Variants in EVI5 observed in about 807,000 individuals in gnomAD.
EVI5 encodes the protein ecotropic viral integration site 5 protein homolog.
In EVI5, 73 loss-of-function variants were observed where a neutral mutation model predicts 112.0. The ratio of observed to expected loss-of-function variants is 0.65; its 90% CI spans 0.54 to 0.79. EVI5 has a LOEUF of 0.79. Ranked by LOEUF, EVI5 falls within the 30% of genes least tolerant of loss-of-function variation. EVI5 has a pLI of 0.00. For missense variants in EVI5, 900 were observed against 968.8 expected (o/e 0.93, Z 0.94); for synonymous variants, 305 against 319.9 (o/e 0.95, Z 0.50).
intron 18 of EVI5, among the ~76,000 whole-genome samples, chr1:92,593,831 G>T (rs900639071): frequency 2.0e-5 from 3 of 152,138 alleles, no homozygotes; most frequent in Admixed American, 6.5e-5. Context: ...TTGCTTCAAA[G>T]AGAATAAAAT....
At chr1:92,701,771 A>G (rs1361585207) in intron 5 of EVI5, among the ~76,000 whole-genome samples, 2 of 151,230 alleles carry the variant, frequency 1.3e-5, no homozygotes, top group African/African-American at 4.9e-5. Flanking sequence ...ATCTCTAAAG[A>G]TGTTGTACAA....
chr1:92,597,013 AG>A (rs1300139278), intron 18 of EVI5, among the ~76,000 whole-genome samples: 2 of 152,198 alleles, frequency 1.3e-5, no homozygotes, highest in African/African-American at 2.4e-5. Context: ...AACAACTATA[AG>A]GCAGATAGCT....
chr1:92,742,275 G>A (rs2102859858), intron 1 of EVI5, among the ~76,000 whole-genome samples: 1 of 152,028 alleles, frequency 6.6e-6, no homozygotes, highest in Non-Finnish European at 1.5e-5. Flanking sequence ...GCCCAGGCTG[G>A]TCTTGAACTC....
chr1:92,609,593 A>G (rs1038951841), intron 16 of EVI5, among the ~76,000 whole-genome samples: 1 of 152,090 alleles, frequency 6.6e-6, no homozygotes, highest in Non-Finnish European at 1.5e-5. Flanking sequence ...CCTAACCTCA[A>G]GTAATCCGCC....
At chr1:92,517,190 C>T (rs552239658) in intron 19 of EVI5, among the ~76,000 whole-genome samples, 79 of 152,290 alleles carry the variant, frequency 5.2e-4, no homozygotes, top group African/African-American at 1.7e-3. Flanking sequence ...ATGGTTTCCT[C>T]TATACTGAAC....
At chr1:92,712,470 G>A (rs1356344324) in intron 2 of EVI5, among the ~76,000 whole-genome samples, 6 of 152,162 alleles carry the variant, frequency 3.9e-5, no homozygotes, top group South Asian at 2.1e-4. Flanking sequence ...AAGCCTAGCC[G>A]ACTTCAGTCT....
intron 16 of EVI5, among the ~76,000 whole-genome samples, chr1:92,622,909 C>A (rs1654899283): frequency 6.6e-6 from 1 of 152,184 alleles, no homozygotes; most frequent in Admixed American, 6.5e-5. Flanking sequence ...TACCAAATTT[C>A]TGAATTATAT....
intron 13 of EVI5, among the ~76,000 whole-genome samples, chr1:92,642,342 T>C (rs1328481983): frequency 2.0e-5 from 3 of 152,192 alleles, no homozygotes; most frequent in Admixed American, 1.3e-4. Flanking sequence ...TATAATCACA[T>C]ACGAATGTAA....
intron 2 of EVI5, among the ~76,000 whole-genome samples, chr1:92,706,348 A>G (rs890221086): frequency 6.6e-6 from 1 of 152,224 alleles, no homozygotes; most frequent in Non-Finnish European, 1.5e-5. Flanking sequence ...ATTAGTTTAC[A>G]TAGGTAATTT....
At chr1:92,568,539 T>G (rs182797927) in intron 18 of EVI5, among the ~76,000 whole-genome samples, 2 of 152,202 alleles carry the variant, frequency 1.3e-5, no homozygotes, top group Admixed American at 1.3e-4. Context: ...CATCATTGTA[T>G]GTGTATGATT....
chr1:92,672,622 T>C (rs1039954497), intron 10 of EVI5, among the ~76,000 whole-genome samples: 6 of 152,204 alleles, frequency 3.9e-5, no homozygotes, highest in Non-Finnish European at 7.3e-5. Flanking sequence ...GTTATTTCCA[T>C]ATTAAAATAT....
intron 13 of EVI5, among the ~76,000 whole-genome samples, chr1:92,654,441 C>T (rs975129703): frequency 3.9e-5 from 6 of 152,258 alleles, no homozygotes; most frequent in Non-Finnish European, 7.4e-5. Context: ...CACACAAAGG[C>T]TATCTATATT....
chr1:92,666,603 G>A (rs1176105547), intron 10 of EVI5, among the ~76,000 whole-genome samples: 2 of 138,988 alleles, frequency 1.4e-5, no homozygotes, highest in African/African-American at 5.3e-5. Context: ...GAGGGGAGGG[G>A]AGGGGAAGGG....
intron 1 of EVI5, chr1:92,756,529 C>T (rs920198548): frequency 1.9e-6 from 1 of 528,636 alleles, no homozygotes; most frequent in Non-Finnish European, 3.9e-6. Flanking sequence ...TTTCTTAGTG[C>T]CGTGTACTGA....
chr1:92,566,875 CG>C (rs1669575108), intron 18 of EVI5, among the ~76,000 whole-genome samples: 1 of 143,874 alleles, frequency 7.0e-6, no homozygotes. Context: ...GGCACAATCT[CG>C]GCTCACTGCA....
At chr1:92,598,072 C>T (rs1030969017) in intron 18 of EVI5, among the ~76,000 whole-genome samples, 6 of 152,002 alleles carry the variant, frequency 3.9e-5, no homozygotes, top group South Asian at 2.1e-4. Context: ...AACAGAGGCT[C>T]GTTCTGTCAC....
In EVI5 at chr1:92,513,613, AC is replaced by A. The variant is rs764357585; in HGVS notation, c.*42del. On this transcript the variant is annotated 3_prime_UTR_variant, in exon 20 of 20. Transcript: ENST00000684568. ...TCCAAAAAGCCCTAATCATATGATA[AC>A]TGATCCCTTAAATAAATCCATAGTC... 9.0e-5 allele frequency: 119 copies of A among 1,321,406 alleles called. 1 individual carries two copies. The highest frequency in any genetic ancestry group is 1.6e-4 in the Admixed American group (7 of 43,094). The allele number at this position is 1,321,406 out of a possible 1,614,324, so 81.9% of individuals were successfully genotyped here.
At position 92,736,423 on chromosome 1, in the gene EVI5, G is replaced by A; in HGVS notation, c.124C>T (p.Leu42=). 1.9e-6 allele frequency: 3 copies of A among 1,612,642 alleles called. No homozygotes were observed. Among genetic ancestry groups the A allele is most frequent in the Non-Finnish European group, 2.5e-6 (3 of 1,178,710 alleles). ...SQLSPDDLEL[L]AKLEEQNRLL... is the part of the protein sequence containing the mutation. Reference sequence around the variant, plus strand: ...CTATTCTGTTCTTCCAGTTTAGCCAGGAGTTCTAAGTCGTCTGGACTCAAC... The same window carrying A: ...CTATTCTGTTCTTCCAGTTTAGCCAAGAGTTCTAAGTCGTCTGGACTCAAC... The change falls in exon 2 of 20, where the codon CTG becomes TTG. Residue 42 remains leucine (L), a synonymous_variant. Coordinates refer to ENST00000684568, the MANE Select transcript of EVI5 (RefSeq NM_001350197.2).
chr1:92,677,129 A>C (rs752659177), intron 10 of EVI5, 29 bp downstream of exon 10: 1 of 1,402,204 alleles, frequency 7.1e-7, no homozygotes, highest in South Asian at 1.2e-5. Context: ...TCAATCAATC[A>C]GTACTTTAAA....
Sources: allele counts gnomAD v4.1 joint callset (sites outside exome capture counted in the v4.1 genomes callset), GRCh38; gene constraint gnomAD v4.1.1; transcripts MANE v1.5; gene names NCBI Gene and HGNC (gene_info 2026-07-23, HGNC 2026-07-21).